Variants in ATP2B1 observed in about 807,000 individuals in gnomAD.
The protein encoded by ATP2B1 is ATPase plasma membrane Ca2+ transporting 1.
In ATP2B1, 14 loss-of-function variants were observed where a neutral mutation model predicts 124.2. The observed-to-expected ratio is 0.11, with a 90% CI of 0.07 to 0.18. The LOEUF (loss-of-function observed/expected upper bound fraction) is 0.18, where lower values mean the gene tolerates loss of function less well. Ranked by LOEUF, ATP2B1 falls within the 10% of genes least tolerant of loss-of-function variation. The pLI is 1.00. For missense variants in ATP2B1, 763 were observed against 1,466.1 expected (o/e 0.52, Z 7.83); for synonymous variants, 449 against 492.4 (o/e 0.91, Z 1.17).
chr12:89,693,336 T>C (rs931105583), intron 1 of ATP2B1, among the ~76,000 whole-genome samples: 3 of 152,172 alleles, frequency 2.0e-5, no homozygotes, highest in Non-Finnish European at 2.9e-5. Context: ...GTAACCATTG[T>C]GACAGGAGGA....
intron 1 of ATP2B1, among the ~76,000 whole-genome samples, chr12:89,672,971 AAT>A (rs1888176096): frequency 1.3e-5 from 2 of 152,322 alleles, no homozygotes; most frequent in South Asian, 4.1e-4. Flanking sequence ...CACTTAGCTG[AAT>A]TTACAAAACT....
At chr12:89,698,268 C>T (rs944388552) in intron 1 of ATP2B1, among the ~76,000 whole-genome samples, 2 of 152,102 alleles carry the variant, frequency 1.3e-5, no homozygotes, top group South Asian at 4.1e-4. Context: ...AACAGGCGAA[C>T]GGACAAATTG....
chr12:89,604,896 C>T (rs548471632), intron 15 of ATP2B1, among the ~76,000 whole-genome samples: 1 of 146,180 alleles, frequency 6.8e-6, no homozygotes, highest in South Asian at 2.3e-4. Context: ...TTACGTGGCA[C>T]TGGAAGTAGG....
At chr12:89,658,598 G>GGAGAGAGAGA (rs67298800) in intron 1 of ATP2B1, among the ~76,000 whole-genome samples, 2,988 of 69,460 alleles carry the variant, frequency 0.043, 302 homozygotes, top group East Asian at 0.054. Flanking sequence ...AATTCAAACA[G>GGAGAGAGAGA]GAGAGAGAGA....
chr12:89,708,172 C>A (rs915277397), intron 1 of ATP2B1, among the ~76,000 whole-genome samples: 12 of 152,130 alleles, frequency 7.9e-5, no homozygotes, highest in Non-Finnish European at 1.5e-4. Flanking sequence ...CCTCCCGGGG[C>A]GCGGGGAGAG....
intron 12 of ATP2B1, among the ~76,000 whole-genome samples, chr12:89,612,336 T>C (rs1878167472): frequency 6.6e-6 from 1 of 152,158 alleles, no homozygotes; most frequent in African/African-American, 2.4e-5. Flanking sequence ...TGCTTTTCTG[T>C]AACCAGAAAA....
chr12:89,672,989 T>C (rs2136541016), intron 1 of ATP2B1, among the ~76,000 whole-genome samples: 1 of 152,324 alleles, frequency 6.6e-6, no homozygotes, highest in Non-Finnish European at 1.5e-5. Context: ...AAACTATAAT[T>C]CTAAGCTTCA....
intron 1 of ATP2B1, among the ~76,000 whole-genome samples, chr12:89,658,271 G>C (rs1886199548): frequency 6.6e-6 from 1 of 152,130 alleles, no homozygotes; most frequent in Non-Finnish European, 1.5e-5. Flanking sequence ...CAATCACCAT[G>C]GACGTGAAAT....
At chr12:89,674,185 C>A (rs1338311604) in intron 1 of ATP2B1, among the ~76,000 whole-genome samples, 1 of 152,122 alleles carries the variant, frequency 6.6e-6, no homozygotes, top group Non-Finnish European at 1.5e-5. Flanking sequence ...AGGTATCAAT[C>A]AATCAATCAA....
chr12:89,627,201 A>G (rs1408349826), intron 7 of ATP2B1, among the ~76,000 whole-genome samples: 4 of 152,082 alleles, frequency 2.6e-5, no homozygotes, highest in African/African-American at 9.7e-5. Context: ...ACAAGTGGAA[A>G]ATTCCACACC....
intron 20 of ATP2B1, among the ~76,000 whole-genome samples, chr12:89,597,319 G>A (rs1486093963): frequency 1.3e-5 from 2 of 152,126 alleles, no homozygotes; most frequent in Admixed American, 6.6e-5. Flanking sequence ...AAGAGTTCTA[G>A]CTGTCCCTCT....
At chr12:89,690,371 A>G (rs1890425680) in intron 1 of ATP2B1, among the ~76,000 whole-genome samples, 1 of 150,084 alleles carries the variant, frequency 6.7e-6, no homozygotes, top group Admixed American at 6.6e-5. Context: ...AATTCTGTAT[A>G]AAAGTCTTAT....
intron 3 of ATP2B1, among the ~76,000 whole-genome samples, chr12:89,637,522 C>T (rs1357666807): frequency 6.6e-6 from 1 of 151,994 alleles, no homozygotes; most frequent in Admixed American, 6.6e-5. Flanking sequence ...CTCAGCCTCC[C>T]AAGTAGCTTA....
At chr12:89,620,689 C>G (rs1336561884) in intron 10 of ATP2B1, among the ~76,000 whole-genome samples, 3 of 152,126 alleles carry the variant, frequency 2.0e-5, no homozygotes, top group African/African-American at 7.2e-5. Context: ...CATTAAAATA[C>G]TGTTCTCTTA....
At position 89,642,210 on chromosome 12, in the gene ATP2B1, G is replaced by A; in HGVS notation, c.354C>T (p.Ala118=). The A allele has an allele frequency of 6.2e-7, 1 of 1,613,650 alleles. No homozygotes were observed. Among genetic ancestry groups the A allele is most frequent in the Non-Finnish European group, 8.5e-7 (1 of 1,179,804 alleles). The change falls in exon 3 of 21, where the codon GCC becomes GCT. Residue 118 remains alanine, a synonymous_variant. Transcript: ENST00000428670. ...AAAAAGAAAGGCCCAATGATACTAT[G>A]GCTGCAATTTCTAATATAATTAAAG... ...DVTLIILEIA[A]IVSLGLSFYQ... is the part of the protein sequence containing the mutation.
At chr12:89,625,484 GGAGGCAGGAGGATAACCT>G (rs1246938533) in intron 8 of ATP2B1, among the ~76,000 whole-genome samples, 2 of 151,380 alleles carry the variant, frequency 1.3e-5, no homozygotes, top group Admixed American at 1.3e-4. Flanking sequence ...CTTCGGGGGT[GGAGGCAGGAGGATAACCT>G]GAGCCTTGGG....
chr12:89,609,879 C>G, intron 15 of ATP2B1, 58 bp downstream of exon 15: 1 of 1,505,380 alleles, frequency 6.6e-7, no homozygotes, highest in South Asian at 1.2e-5. Context: ...AACAAACAAA[C>G]AAACAAACAA....
At chr12:89,593,215 C>G (rs1229843140) in intron 20 of ATP2B1, 1 of 152,028 alleles carries the variant, frequency 6.6e-6, no homozygotes, top group African/African-American at 2.4e-5. Context: ...ACATTTTATA[C>G]ATGTGAACAT....
chr12:89,616,595 T>C lies in ATP2B1; in HGVS notation c.2067+207A>G, dbSNP rs544663945. 1.8e-4 allele frequency among the ~76,000 whole-genome samples: 27 copies of C among 152,006 alleles called. No individual in the cohort carries two copies. The East Asian group carries it at 4.4e-3, about 25-fold the overall frequency. On this transcript the variant is annotated intron_variant, in intron 12 of 20. Coordinates refer to ENST00000428670, the MANE Select transcript of ATP2B1 (RefSeq NM_001366521.1). ...GCTAGGTTATGGTGCTATGAACACA[T>C]AGGATCCCAAAGAGACACTGTCTTT... is the stretch of plus-strand genomic sequence containing the variant.
Sources: allele counts gnomAD v4.1 joint callset (sites outside exome capture counted in the v4.1 genomes callset), GRCh38; gene constraint gnomAD v4.1.1; transcripts MANE v1.5; gene names NCBI Gene and HGNC (gene_info 2026-07-23, HGNC 2026-07-21).